KCNH7: variants seen among roughly 807,000 people sequenced by gnomAD.
KCNH7 encodes the protein voltage-gated inwardly rectifying potassium channel KCNH7.
KCNH7 carries 49 observed loss-of-function variants against 120.8 expected under a neutral mutation model. The ratio of observed to expected loss-of-function variants is 0.41; its 90% confidence interval spans 0.32 to 0.51. The LOEUF (loss-of-function observed/expected upper bound fraction) is 0.51. Ranked by LOEUF, KCNH7 falls within the 20% of genes least tolerant of loss-of-function variation. The pLI is 0.38. For missense variants in KCNH7, 1,097 were observed against 1,446.6 expected (o/e 0.76, Z 3.92); for synonymous variants, 547 against 516.1 (o/e 1.06, Z -0.81).
intron 2 of KCNH7, among the ~76,000 whole-genome samples, chr2:162,601,228 G>T (rs1447628600): frequency 2.0e-5 from 3 of 151,852 alleles, no homozygotes; most frequent in African/African-American, 7.3e-5. Context: ...GTGGTTTATA[G>T]ATAACAGGGG....
intron 10 of KCNH7, among the ~76,000 whole-genome samples, chr2:162,397,267 G>A (rs552014263): frequency 6.6e-6 from 1 of 151,710 alleles, no homozygotes; most frequent in Non-Finnish European, 1.5e-5. Flanking sequence ...CTTTCAGGTA[G>A]GTGTACTCTG....
rs141185905 is a variant in KCNH7, at chr2:162,609,045, C to T, written c.308-71965G>A. On this transcript the variant is annotated intron_variant, in intron 2 of 15. Coordinates refer to ENST00000332142, the MANE Select transcript of KCNH7 (RefSeq NM_033272.4). The stretch of plus-strand genomic sequence containing the variant: ...ACCAAACAAGTACAACACACAGACA[C>T]CGCCAGCCCCCCAACACACACACAC... Among the ~76,000 whole-genome samples, 1,412 of 152,200 alleles carry T rather than the reference C, an allele frequency of 9.3e-3. 30 individuals are homozygous for T. Among genetic ancestry groups the T allele is most frequent in the African/African-American group, 0.032 (1,334 of 41,526 alleles).
At chr2:162,397,450 T>C (rs1188494431) in intron 10 of KCNH7, among the ~76,000 whole-genome samples, 1 of 151,842 alleles carries the variant, frequency 6.6e-6, no homozygotes, top group Non-Finnish European at 1.5e-5. Flanking sequence ...ATAACCACTT[T>C]TGAATCTGCC....
At chr2:162,527,457 A>G (rs1254269454) in intron 3 of KCNH7, among the ~76,000 whole-genome samples, 1 of 152,000 alleles carries the variant, frequency 6.6e-6, no homozygotes, top group Non-Finnish European at 1.5e-5. Flanking sequence ...AGCTCTATGG[A>G]AAATTTCTTT....
intron 10 of KCNH7, among the ~76,000 whole-genome samples, 188 bp from the exon 11 acceptor site, chr2:162,397,133 TG>T (rs1212396682): frequency 2.0e-5 from 3 of 151,804 alleles, no homozygotes; most frequent in African/African-American, 7.2e-5. Flanking sequence ...TAAGGGTGAT[TG>T]GTCCTTTTAT....
intron 9 of KCNH7, among the ~76,000 whole-genome samples, chr2:162,417,677 G>A (rs936430107): frequency 6.6e-6 from 1 of 152,102 alleles, no homozygotes; most frequent in African/African-American, 2.4e-5. Flanking sequence ...TGGGCTAAAG[G>A]TCAGATCCTA....
intron 6 of KCNH7, among the ~76,000 whole-genome samples, chr2:162,491,903 G>A (rs1002999125): frequency 8.6e-5 from 13 of 152,038 alleles, no homozygotes; most frequent in East Asian, 3.9e-4. Flanking sequence ...CTTTTTCCTC[G>A]AACTCTGTCT....
intron 6 of KCNH7, among the ~76,000 whole-genome samples, chr2:162,459,216 C>A (rs796382315): frequency 6.6e-6 from 1 of 151,752 alleles, no homozygotes; most frequent in African/African-American, 2.4e-5. Flanking sequence ...AAAGGCATAA[C>A]CAGTATTCCT....
intron 2 of KCNH7, among the ~76,000 whole-genome samples, chr2:162,648,820 A>C (rs935369898): frequency 6.6e-6 from 1 of 151,580 alleles, no homozygotes; most frequent in Non-Finnish European, 1.5e-5. Flanking sequence ...TTCAAATGCT[A>C]CCTTCTTTAA....
chr2:162,780,137 T>C (rs531593103), intron 2 of KCNH7, among the ~76,000 whole-genome samples: 1 of 152,268 alleles, frequency 6.6e-6, no homozygotes, highest in African/African-American at 2.4e-5. Flanking sequence ...AGAAAAGTAA[T>C]TCCCTTCCTT....
chr2:162,503,007 G>A (rs1232967851), intron 6 of KCNH7, among the ~76,000 whole-genome samples: 1 of 152,054 alleles, frequency 6.6e-6, no homozygotes, highest in Non-Finnish European at 1.5e-5. Flanking sequence ...TTTTAAAATG[G>A]AAAGATTTGC....
chr2:162,823,909 T>TTTTTTTTTTGA (rs1323149636), intron 2 of KCNH7, among the ~76,000 whole-genome samples: 6 of 152,140 alleles, frequency 3.9e-5, no homozygotes, highest in Non-Finnish European at 8.8e-5. Context: ...ATTTTTTAAT[T>TTTTTTTTTTGA]GCCATATAAG....
intron 2 of KCNH7, among the ~76,000 whole-genome samples, chr2:162,655,422 T>C (rs560044798): frequency 1.7e-4 from 26 of 152,318 alleles, no homozygotes; most frequent in African/African-American, 6.0e-4. Context: ...CTGCCATTTA[T>C]TTGTGGTGAA....
chr2:162,506,901 A>T (rs1197731332), intron 5 of KCNH7, among the ~76,000 whole-genome samples: 1 of 151,834 alleles, frequency 6.6e-6, no homozygotes, highest in Non-Finnish European at 1.5e-5. Flanking sequence ...AAAGAATTTC[A>T]ATGTCACAAT....
Position 162,518,220 on chromosome 2 carries a change from C to T in KCNH7, c.464-62G>A, listed in dbSNP as rs1321433517. Reference sequence around the variant, plus strand: ...CAAATGATATATCCTGTAACAAAAACAAACATTGTTGACTCATATTTAAAC... The same window carrying T: ...CAAATGATATATCCTGTAACAAAAATAAACATTGTTGACTCATATTTAAAC... On this transcript the variant is annotated intron_variant, in intron 3 of 15. Coordinates refer to ENST00000332142, the MANE Select transcript of KCNH7 (RefSeq NM_033272.4). 5.7e-6 allele frequency: 7 copies of T among 1,236,716 alleles called. No homozygotes were observed. The Admixed American group carries it at 1.4e-4, about 24-fold the overall frequency. The allele number at this position is 1,236,716 out of a possible 1,614,324, so 76.6% of individuals were successfully genotyped here. A position where few individuals can be genotyped will look rare whatever the true frequency, so the allele number is the denominator to read the frequency against.
In KCNH7 at chr2:162,400,190, C is replaced by T. The variant is rs79976943; in HGVS notation, c.2406G>A (p.Leu802=). ...ACCATGCACTTCTAAAACACTCACC[C>T]AGAATAGCCACCACAATGTCATCTT... ...ILKDDIVVAI[L]GKNDIFGEMV... is the part of the protein sequence containing the mutation. Residue 802 remains leucine (L), a splice_region_variant and synonymous_variant, in exon 10 of 16, where the codon CTG becomes CTA. Coordinates refer to ENST00000332142, the MANE Select transcript of KCNH7 (RefSeq NM_033272.4). 1.9e-6 allele frequency: 3 copies of T among 1,611,580 alleles called. No individual in the cohort carries two copies. In the East Asian group the frequency reaches 6.7e-5, roughly 36 times the overall value.
chr2:162,752,903 A>AAAAAAGAAAAGAAAAGAAAAGAAAAG (rs1688612139), intron 2 of KCNH7, among the ~76,000 whole-genome samples: 3 of 32,026 alleles, frequency 9.4e-5, no homozygotes, highest in Non-Finnish European at 5.6e-4. Context: ...TACATCTCAG[A>AAAAAAGAAAAGAAAAGAAAAGAAAAG]AAAAGAAAAG....
intron 2 of KCNH7, among the ~76,000 whole-genome samples, chr2:162,821,817 TTGGTTCTCACTAAATCC>T (rs1685129701): frequency 6.6e-6 from 1 of 152,150 alleles, no homozygotes; most frequent in African/African-American, 2.4e-5. Context: ...ACAATTTATC[TTGGTTCTCACTAAATCC>T]TGGGGAGTGG....
chr2:162,380,580 T>C (rs1250610784), intron 13 of KCNH7, among the ~76,000 whole-genome samples: 3 of 152,076 alleles, frequency 2.0e-5, no homozygotes, highest in Non-Finnish European at 4.4e-5. Context: ...ATTTTACAAG[T>C]CCCCTAGTCC....
Sources: gnomAD v4.1 joint callset for allele counts (sites outside exome capture counted in the v4.1 genomes callset) on GRCh38, gnomAD v4.1.1 for gene constraint, MANE v1.5 for transcripts, NCBI Gene and HGNC (gene_info 2026-07-23, HGNC 2026-07-21) for gene names.